Variants in MTFR1L observed in about 807,000 individuals in gnomAD.
MTFR1L encodes the protein mitochondrial fission regulator 1 like.
MTFR1L carries 10 observed loss-of-function variants against 27.9 expected under a neutral mutation model. The ratio of observed to expected loss-of-function variants is 0.36; its 90% CI spans 0.22 to 0.61. The LOEUF is 0.61. Ranked by LOEUF, MTFR1L falls within the 20% of genes least tolerant of loss-of-function variation. The pLI is 0.73. For synonymous variants in MTFR1L, 151 were observed against 139.4 expected, an observed-to-expected ratio of 1.08 and a Z score of -0.58; for missense variants, 315 against 363.7, an observed-to-expected ratio of 0.87 and a Z score of 1.09.
chr1:25,820,731 G>T, intron 1 of MTFR1L: 1 of 438,028 alleles, frequency 2.3e-6, no homozygotes, highest in Non-Finnish European at 4.5e-6. Flanking sequence ...GGGGGCGGGG[G>T]TGACAGCTGA....
chr1:25,826,345 C>G lies in MTFR1L; in HGVS notation c.173C>G (p.Pro58Arg). ...GACCTGTGTTTGAGAGATGTGCCCC[C>G]AGTCCCTACCCTGGCTGACATCGCC... is the stretch of plus-strand genomic sequence containing the variant. ...ISDLCLRDVP[P>R]VPTLADIAWI... The change falls in exon 4 of 7, where the codon CCA becomes CGA. Residue 58 changes from proline to arginine, a missense_variant. Coordinates refer to ENST00000374303, the MANE Select transcript of MTFR1L (RefSeq NM_001099625.2). The surrounding 1 kb of genome is among the most constrained non-coding windows in gnomAD (Gnocchi z 4.1). 1.2e-6 allele frequency: 2 copies of G among 1,614,200 alleles called. No homozygotes were observed. Among genetic ancestry groups the G allele is most frequent in the Non-Finnish European group, 1.7e-6 (2 of 1,180,028 alleles).
At chr1:25,827,015 G>A (rs1379555641) in intron 5 of MTFR1L, among the ~76,000 whole-genome samples, 189 bp downstream of exon 5, 4 of 152,226 alleles carry the variant, frequency 2.6e-5, no homozygotes, top group Non-Finnish European at 4.4e-5. Flanking sequence ...ATTTTGGGCT[G>A]AATGGTTTGG....
intron 1 of MTFR1L, chr1:25,820,572 C>A: frequency 2.7e-6 from 1 of 376,792 alleles, no homozygotes; most frequent in South Asian, 1.9e-5. Context: ...CTGAGCAGGG[C>A]CCTGCGCTGG....
intron 5 of MTFR1L, among the ~76,000 whole-genome samples, chr1:25,827,850 C>T (rs1054462036): frequency 6.6e-6 from 1 of 152,014 alleles, no homozygotes; most frequent in Non-Finnish European, 1.5e-5. Flanking sequence ...CTCTGCCTCC[C>T]GAGTAGCTGG....
chr1:25,820,135 C>T (rs1487853833), intron 1 of MTFR1L, 106 bp downstream of exon 1: 2 of 450,398 alleles, frequency 4.4e-6, no homozygotes, highest in Admixed American at 2.4e-5. Context: ...AGCTCCTGTT[C>T]CCGCGCGAGT....
chr1:25,823,352 G>A (rs2048123038), intron 2 of MTFR1L: 1 of 721,922 alleles, frequency 1.4e-6, no homozygotes, highest in African/African-American at 1.7e-5. Flanking sequence ...ACAGAGGACG[G>A]GAAGGAAAGC....
intron 5 of MTFR1L, among the ~76,000 whole-genome samples, chr1:25,828,311 T>A (rs868116408): frequency 6.6e-6 from 1 of 152,248 alleles, no homozygotes; most frequent in African/African-American, 2.4e-5. Flanking sequence ...GGTCGGGCAC[T>A]GTGGCTTACG....
At chr1:25,831,874 C>A in intron 6 of MTFR1L, 47 bp from the exon 7 acceptor site, 1 of 1,425,514 alleles carries the variant, frequency 7.0e-7, no homozygotes, top group Non-Finnish European at 9.9e-7. Flanking sequence ...AGATATACAG[C>A]ACTACACAGG....
Position 25,832,474 on chromosome 1 carries a change from T to A in MTFR1L, c.*448T>A. Reference sequence around the variant, plus strand: ...GGGGCTATGAATGTTTGTATACATGTTCACAGGGCACGGAAAATCTTATGC... The same window carrying A: ...GGGGCTATGAATGTTTGTATACATGATCACAGGGCACGGAAAATCTTATGC... On this transcript the variant is annotated 3_prime_UTR_variant, in exon 7 of 7. Transcript: ENST00000374303. The A allele has an allele frequency of 3.0e-6, 1 of 332,804 alleles. No homozygotes were observed. Among genetic ancestry groups the A allele is most frequent in the Non-Finnish European group, 5.8e-6 (1 of 173,678 alleles). The allele number at this position is 332,804 out of a possible 1,614,324, so 20.6% of individuals were successfully genotyped here.
Position 25,823,884 on chromosome 1 carries a change from T to C in MTFR1L, c.129+136T>C. ...TTATGAAATATTTGTTAAATGCTTATAAGATATCCTGGTCACTGTGTCCTC... is the reference window on the plus strand; with the variant it reads ...TTATGAAATATTTGTTAAATGCTTACAAGATATCCTGGTCACTGTGTCCTC... On this transcript the variant is annotated intron_variant, in intron 3 of 6. Coordinates refer to ENST00000374303, the MANE Select transcript of MTFR1L (RefSeq NM_001099625.2). 3 of 1,147,538 alleles carry C rather than the reference T, an allele frequency of 2.6e-6. No individual in the cohort carries two copies. In the South Asian group the frequency reaches 4.9e-5, roughly 19 times the overall value. 71.1% of individuals were successfully genotyped at this position (1,147,538 alleles called of 1,614,324 possible).
chr1:25,832,250 G>T lies in MTFR1L; in HGVS notation c.*224G>T. 1.5e-6 allele frequency: 2 copies of T among 1,324,792 alleles called. No homozygotes were observed. The highest frequency in any genetic ancestry group is 2.1e-6 in the Non-Finnish European group (2 of 959,872). The allele number at this position is 1,324,792 out of a possible 1,614,324, so 82.1% of individuals were successfully genotyped here. A position where few individuals can be genotyped will look rare whatever the true frequency, so the allele number is the denominator to read the frequency against. ...ATTTGACCTGAGACATTTGTTTCAG[G>T]TAATCGTGTAGAATGAAGTATCTTA... On this transcript the variant is annotated 3_prime_UTR_variant, in exon 7 of 7. Coordinates refer to ENST00000374303, the MANE Select transcript of MTFR1L (RefSeq NM_001099625.2).
At chr1:25,830,308 T>C (rs956728492) in intron 6 of MTFR1L, among the ~76,000 whole-genome samples, 3 of 152,168 alleles carry the variant, frequency 2.0e-5, no homozygotes, top group African/African-American at 7.2e-5. Context: ...GCACATTCAG[T>C]GATTTGAGAA....
rs770502588 is a variant in MTFR1L at position 25,826,266 on chromosome 1, C to T, written c.130-36C>T. The T allele has an allele frequency of 3.1e-5, 48 of 1,573,048 alleles. No homozygotes were observed. Among genetic ancestry groups the T allele is most frequent in the Non-Finnish European group, 3.8e-5 (44 of 1,143,976 alleles). ...GCAGTTTCTGATTGGCTCATCATGG[C>T]ATCTGTAAATGTTGATGACTTTTGC... On this transcript the variant is annotated intron_variant, in intron 3 of 6. Coordinates refer to ENST00000374303, the MANE Select transcript of MTFR1L (RefSeq NM_001099625.2). This position sits in a 1 kb window ranked among gnomAD's most constrained non-coding sequence, Gnocchi z 4.1.
In MTFR1L at chr1:25,826,452, T is replaced by C; in HGVS notation, c.239+41T>C. ...GCTGGTCTGCTAAGGAATGGAGAAC[T>C]TCCCAGAAGAGGTGGCAGGCAGCAA... On this transcript the variant is annotated intron_variant, in intron 4 of 6. Transcript: ENST00000374303. This position sits in a 1 kb window ranked among gnomAD's most constrained non-coding sequence, Gnocchi z 4.1. The C allele has an allele frequency of 6.2e-7, 1 of 1,607,340 alleles. No individual in the cohort carries two copies. Among genetic ancestry groups the C allele is most frequent in the Non-Finnish European group, 8.5e-7 (1 of 1,173,862 alleles).
In MTFR1L at chr1:25,826,660, G is replaced by A. The variant is rs2048172688; in HGVS notation, c.285G>A (p.Leu95=). 1 of 1,614,208 alleles carries A rather than the reference G, an allele frequency of 6.2e-7. No homozygotes were observed. The highest frequency in any genetic ancestry group is 8.5e-7 in the Non-Finnish European group (1 of 1,180,034). The part of the protein sequence containing the change: ...PLRHTWKPSP[L]IVMQRNASVP... Reference sequence around the variant, plus strand: ...GGCACACCTGGAAACCCAGCCCTCTGATTGTCATGCAGCGCAATGCCTCTG... The same window carrying A: ...GGCACACCTGGAAACCCAGCCCTCTAATTGTCATGCAGCGCAATGCCTCTG... The change falls in exon 5 of 7, where the codon CTG becomes CTA. Residue 95 remains leucine (L), a synonymous_variant. Coordinates refer to ENST00000374303, the MANE Select transcript of MTFR1L (RefSeq NM_001099625.2). This position sits in a 1 kb window ranked among gnomAD's most constrained non-coding sequence, Gnocchi z 4.1.
In MTFR1L at chr1:25,826,677, A is replaced by G. The variant is rs745372567; in HGVS notation, c.302A>G (p.Asn101Ser). Residue 101 changes from asparagine (N) to serine (S), a missense_variant, in exon 5 of 7, where the codon AAT becomes AGT. Asn to Ser is a conservative substitution (Grantham distance 46, BLOSUM62 1). Coordinates refer to ENST00000374303, the MANE Select transcript of MTFR1L (RefSeq NM_001099625.2). The surrounding 1 kb of genome is among the most constrained non-coding windows in gnomAD (Gnocchi z 4.1). Reference protein sequence around the residue: ...KPSPLIVMQRNASVPNLRGSE... With the variant: ...KPSPLIVMQRSASVPNLRGSE... ...AGCCCTCTGATTGTCATGCAGCGCAATGCCTCTGTTCCCAACCTGCGTGGG... is the reference window on the plus strand; with the variant it reads ...AGCCCTCTGATTGTCATGCAGCGCAGTGCCTCTGTTCCCAACCTGCGTGGG... 21 of 1,614,180 alleles carry G rather than the reference A, an allele frequency of 1.3e-5. No homozygotes were observed. Among genetic ancestry groups the G allele is most frequent in the Non-Finnish European group, 1.7e-5 (20 of 1,180,036 alleles).
intron 1 of MTFR1L, chr1:25,822,786 A>G (rs1285951495): frequency 1.7e-6 from 1 of 591,264 alleles, no homozygotes; most frequent in Admixed American, 3.0e-5. Context: ...TCGGCCTCCC[A>G]AAGTGCTGGG....
At position 25,832,546 on chromosome 1, in the gene MTFR1L, C is replaced by A. The variant is rs2294222; in HGVS notation, c.*520C>A. 7 of 210,366 alleles carry A rather than the reference C, an allele frequency of 3.3e-5. No homozygotes were observed. The East Asian group carries it at 7.1e-4, about 21-fold the overall frequency. 13.0% of individuals were successfully genotyped at this position (210,366 alleles called of 1,614,324 possible). On this transcript the variant is annotated 3_prime_UTR_variant, in exon 7 of 7. Transcript: ENST00000374303. ...CAATGCCCAGCAATCACCCTCCTCA[C>A]TTCCTTGTCTAGATGTAGAGGTCAG...
At chr1:25,821,303 G>A (rs1572244013) in intron 1 of MTFR1L, among the ~76,000 whole-genome samples, 1 of 152,224 alleles carries the variant, frequency 6.6e-6, no homozygotes, top group African/African-American at 2.4e-5. Flanking sequence ...AGTAAGCACC[G>A]TTAGTGCAAT....
Sources: allele counts gnomAD v4.1 joint callset (sites outside exome capture counted in the v4.1 genomes callset), GRCh38; gene constraint gnomAD v4.1.1; non-coding constraint Gnocchi (gnomAD v3.1); transcripts MANE v1.5; gene names NCBI Gene and HGNC (gene_info 2026-07-23, HGNC 2026-07-21).